Variants in DPRX observed in about 807,000 individuals in gnomAD.
DPRX encodes divergent-paired related homeobox, also known as divergent paired-related homeobox.
A neutral mutation model predicts 8.4 loss-of-function variants in DPRX; 11 were observed. The observed-to-expected ratio is 1.31, with a 90% confidence interval of 0.82 to 2.17. DPRX has a LOEUF of 2.17. DPRX is among the 30% of genes most tolerant of loss of function. DPRX has a pLI of 0.00. For missense variants in DPRX, 211 were observed against 236.7 expected, an observed-to-expected ratio of 0.89 and a Z score of 0.71; for synonymous variants, 72 against 87.0, an observed-to-expected ratio of 0.83 and a Z score of 0.96.
chr19:53,632,605 G>C (rs989969065), intron 1 of DPRX, among the ~76,000 whole-genome samples: 1 of 151,938 alleles, frequency 6.6e-6, no homozygotes, highest in Non-Finnish European at 1.5e-5. Flanking sequence ...CACTGCACCC[G>C]GCCCAAGTTT....
exon 3 of DPRX, chr19:53,636,896 T>C (rs1478127370): frequency 1.2e-6 from 2 of 1,614,064 alleles, no homozygotes; most frequent in Admixed American, 1.7e-5. Flanking sequence ...TAATATATAC[T>C]GCCTCTACCC....
rs370046757 is a variant in DPRX at position 53,636,848 on chromosome 19, G to A, written c.436G>A (p.Gly146Ser). The A allele has an allele frequency of 1.2e-5, 19 of 1,613,930 alleles. No individual in the cohort carries two copies. In the African/African-American group the frequency reaches 2.5e-4, roughly 22 times the overall value. The change falls in exon 3 of 3, where the codon GGC becomes AGC. Residue 146 changes from glycine (G) to serine (S), a missense_variant. Transcript: ENST00000376650. ...CAAGGTCCCTGCAAATGACTTCATT[G>A]GCCACAGAATAGTCCATTTTGGCTG... is the stretch of plus-strand genomic sequence containing the variant.
chr19:53,628,218 T>G (rs2122152166), upstream of DPRX, among the ~76,000 whole-genome samples: 1 of 152,022 alleles, frequency 6.6e-6, no homozygotes, highest in Admixed American at 6.6e-5. Context: ...GTGGGAGGAT[T>G]ACTTGATCCT....
chr19:53,629,536 C>G (rs1052091201), upstream of DPRX, among the ~76,000 whole-genome samples: 3 of 134,688 alleles, frequency 2.2e-5, no homozygotes, highest in Non-Finnish European at 5.0e-5. Context: ...GCCACTGTGT[C>G]CGGCCTATGA....
At chr19:53,634,445 C>A in intron 1 of DPRX, 86 bp from the exon 2 acceptor site, 1 of 1,500,292 alleles carries the variant, frequency 6.7e-7, no homozygotes, top group Non-Finnish European at 9.0e-7. Flanking sequence ...CACGTTGTAC[C>A]TCAGTGGAAA....
intron 2 of DPRX, among the ~76,000 whole-genome samples, chr19:53,635,732 C>T (rs1349894763): frequency 1.3e-5 from 2 of 152,158 alleles, no homozygotes; most frequent in African/African-American, 4.8e-5. Flanking sequence ...AACACACATA[C>T]AACACAAAAT....
At chr19:53,617,251 G>C in the DPRX span, 1 of 760,064 alleles carries the variant, frequency 1.3e-6, no homozygotes, top group Non-Finnish European at 2.4e-6. Context: ...TCTCTGATGG[G>C]TTAGAGTGCC....
intron 2 of DPRX, 105 bp downstream of exon 2, chr19:53,634,790 C>T: frequency 7.0e-7 from 1 of 1,437,280 alleles, no homozygotes; most frequent in Non-Finnish European, 9.3e-7. Context: ...CGCCAATATT[C>T]CCCAAACCCA....
the DPRX span, among the ~76,000 whole-genome samples, chr19:53,611,705 A>G: frequency 6.6e-6 from 1 of 152,222 alleles, no homozygotes; most frequent in Non-Finnish European, 1.5e-5. Context: ...CGTTAACCGA[A>G]TAGTGAGTGA....
chr19:53,618,829 T>C, the DPRX span, among the ~76,000 whole-genome samples: 1 of 151,868 alleles, frequency 6.6e-6, no homozygotes, highest in Non-Finnish European at 1.5e-5. Context: ...ATTACAGGCA[T>C]ACGCCACCAA....
At chr19:53,617,612 T>C in the DPRX span, among the ~76,000 whole-genome samples, 1 of 149,490 alleles carries the variant, frequency 6.7e-6, no homozygotes, top group Non-Finnish European at 1.5e-5. Flanking sequence ...CTGGATTTGC[T>C]CCTGTCAATG....
chr19:53,607,833 A>G, the DPRX span, among the ~76,000 whole-genome samples: 1 of 151,236 alleles, frequency 6.6e-6, no homozygotes, highest in Non-Finnish European at 1.5e-5. Flanking sequence ...CCTGGGCGAC[A>G]GAGTGAGACT....
the DPRX span, chr19:53,606,866 G>A: frequency 1.3e-5 from 2 of 152,752 alleles, no homozygotes; most frequent in African/African-American, 4.8e-5. This position sits in a 1 kb window ranked among gnomAD's most constrained non-coding sequence, Gnocchi z 4.8. Flanking sequence ...GAACAGGGTA[G>A]CCTTTAATGA....
At chr19:53,612,500 C>T in the DPRX span, among the ~76,000 whole-genome samples, 2 of 151,822 alleles carry the variant, frequency 1.3e-5, no homozygotes, top group Non-Finnish European at 2.9e-5. Context: ...TGAGGTCAGG[C>T]GTTCGAGACC....
the DPRX span, among the ~76,000 whole-genome samples, chr19:53,601,564 A>T: frequency 6.8e-6 from 1 of 147,402 alleles, no homozygotes; most frequent in Non-Finnish European, 1.5e-5. Flanking sequence ...TGAATGCAAC[A>T]TCCGCCTCCT....
At chr19:53,618,156 G>A in the DPRX span, among the ~76,000 whole-genome samples, 18 of 57,888 alleles carry the variant, frequency 3.1e-4, no homozygotes, top group African/African-American at 3.5e-4. Context: ...AAAAAAAAAA[G>A]AAAGAAAGAA....
At chr19:53,601,184 G>T in the DPRX span, 1 of 450,452 alleles carries the variant, frequency 2.2e-6, no homozygotes, top group Non-Finnish European at 4.5e-6. Context: ...GTTAGCCTGA[G>T]ACAGCTATAG....
the DPRX span, among the ~76,000 whole-genome samples, chr19:53,621,741 G>A: frequency 1.3e-5 from 2 of 151,836 alleles, no homozygotes; most frequent in Non-Finnish European, 1.5e-5. Context: ...TCAAGATCAC[G>A]CCACTGCACT....
At chr19:53,610,816 A>G in the DPRX span, among the ~76,000 whole-genome samples, 7 of 152,124 alleles carry the variant, frequency 4.6e-5, no homozygotes, top group Admixed American at 2.0e-4. Context: ...TCTTCTTCCA[A>G]TGTGGCCCAG....
Sources: gnomAD v4.1 joint callset for allele counts (sites outside exome capture counted in the v4.1 genomes callset) on GRCh38, gnomAD v4.1.1 for gene constraint, Gnocchi (gnomAD v3.1) non-coding constraint, MANE v1.5 for transcripts, NCBI Gene and HGNC (gene_info 2026-07-23, HGNC 2026-07-21) for gene names.